The following SEMA3A variants were observed in gnomAD, a reference collection of about 807,000 sequenced individuals.
SEMA3A encodes the protein semaphorin-3A.
In SEMA3A, 29 loss-of-function variants were observed where a neutral mutation model predicts 97.9. That is an observed-to-expected ratio of 0.30 (90% CI 0.22 to 0.40). SEMA3A has a LOEUF of 0.40. Among genes scored for constraint, SEMA3A ranks in the 10% least tolerant of loss-of-function variants. The probability of loss-of-function intolerance (pLI) is 1.00; values close to 1 mark genes in which losing one functional copy is unlikely to be tolerated. For missense variants in SEMA3A, 763 were observed against 951.3 expected (o/e 0.80, Z 2.60); for synonymous variants, 321 against 323.7 (o/e 0.99, Z 0.09).
At chr7:84,098,859 CTTAGTTTCCTCAATTGAGAA>C (rs1392519335) in intron 4 of SEMA3A, among the ~76,000 whole-genome samples, 4 of 152,036 alleles carry the variant, frequency 2.6e-5, no homozygotes, top group Non-Finnish European at 5.9e-5. Context: ...TTCCCTGAGC[CTTAGTTTCCTCAATTGAGAA>C]ACAGAGATAA....
intron 1 of SEMA3A, 47 bp downstream of exon 1, chr7:84,194,428 G>T (rs754869474): frequency 8.0e-7 from 1 of 1,248,690 alleles, no homozygotes; most frequent in Non-Finnish European, 1.2e-6. Context: ...TTAAGGGGGG[G>T]GGCGGTTATT....
At chr7:84,454,708 C>T (rs1805644221) in intron 1 of SEMA3A, among the ~76,000 whole-genome samples, 1 of 151,800 alleles carries the variant, frequency 6.6e-6, no homozygotes, top group Non-Finnish European at 1.5e-5. Context: ...AAACAAAAAC[C>T]CTCATTCATA....
At chr7:84,151,857 C>T (rs1796682138) in intron 1 of SEMA3A, among the ~76,000 whole-genome samples, 1 of 152,092 alleles carries the variant, frequency 6.6e-6, no homozygotes, top group African/African-American at 2.4e-5. Context: ...AAGAAAAAAA[C>T]AACCCCATCA....
At chr7:84,204,463 T>C (rs1798438417) in intron 3 of SEMA3A, among the ~76,000 whole-genome samples, 1 of 152,110 alleles carries the variant, frequency 6.6e-6, no homozygotes, top group Non-Finnish European at 1.5e-5. Flanking sequence ...AGAGTTTGGG[T>C]AAGCTTCTGG....
At chr7:84,177,755 T>C (rs912312619) in intron 1 of SEMA3A, among the ~76,000 whole-genome samples, 14 of 152,106 alleles carry the variant, frequency 9.2e-5, no homozygotes, top group African/African-American at 3.1e-4. Flanking sequence ...AAGTTTCTCT[T>C]CCTGAATTCC....
intron 1 of SEMA3A, among the ~76,000 whole-genome samples, chr7:84,135,960 T>C (rs1380691523): frequency 6.6e-6 from 1 of 152,176 alleles, no homozygotes; most frequent in Non-Finnish European, 1.5e-5. Context: ...ACAGGAACAC[T>C]TTCAGATTAA....
At chr7:84,483,344 C>G (rs1214836951) in intron 1 of SEMA3A, among the ~76,000 whole-genome samples, 4 of 152,146 alleles carry the variant, frequency 2.6e-5, no homozygotes, top group Non-Finnish European at 4.4e-5. Flanking sequence ...TACAATGAAT[C>G]AGGACTAAGA....
chr7:84,066,021 A>G (rs1156774686), intron 4 of SEMA3A, among the ~76,000 whole-genome samples: 1 of 151,662 alleles, frequency 6.6e-6, no homozygotes, highest in Admixed American at 6.6e-5. Context: ...AAAATCCTCA[A>G]TAAAATACTG....
intron 2 of SEMA3A, among the ~76,000 whole-genome samples, chr7:84,370,865 C>T (rs993955347): frequency 2.0e-5 from 3 of 151,100 alleles, no homozygotes; most frequent in African/African-American, 7.3e-5. Context: ...TTCTCAGTTC[C>T]CCTAAGTTTT....
At chr7:84,434,075 A>G (rs1805057357) in intron 1 of SEMA3A, among the ~76,000 whole-genome samples, 1 of 152,084 alleles carries the variant, frequency 6.6e-6, no homozygotes, top group South Asian at 2.1e-4. Flanking sequence ...TCTTTAGTTT[A>G]ATCAGATGCC....
At chr7:84,187,673 T>A (rs991404490) in intron 1 of SEMA3A, among the ~76,000 whole-genome samples, 1 of 152,166 alleles carries the variant, frequency 6.6e-6, no homozygotes, top group African/African-American at 2.4e-5. Context: ...CTATATATTA[T>A]AATGCACAAT....
chr7:84,245,188 C>G (rs988663760), intron 3 of SEMA3A, among the ~76,000 whole-genome samples: 1 of 152,118 alleles, frequency 6.6e-6, no homozygotes, highest in African/African-American at 2.4e-5. Flanking sequence ...GAGTGTTTTC[C>G]AACTTGGTTC....
intron 6 of SEMA3A, among the ~76,000 whole-genome samples, chr7:84,036,267 T>G (rs547324575): frequency 6.6e-6 from 1 of 152,258 alleles, no homozygotes; most frequent in African/African-American, 2.4e-5. Context: ...ATCCTATAGA[T>G]GTATTAAGAC....
chr7:84,067,945 A>G (rs1273292047), intron 4 of SEMA3A, among the ~76,000 whole-genome samples: 1 of 142,712 alleles, frequency 7.0e-6, no homozygotes, highest in African/African-American at 2.7e-5. Context: ...AGGACTATAA[A>G]TCATGCTGCT....
intron 3 of SEMA3A, among the ~76,000 whole-genome samples, chr7:84,282,244 A>T (rs1362618489): frequency 2.0e-5 from 3 of 152,164 alleles, no homozygotes; most frequent in Non-Finnish European, 4.4e-5. Flanking sequence ...GTTAAAAAAA[A>T]CATTATTCCT....
At chr7:84,194,388 T>G in intron 1 of SEMA3A, 87 bp downstream of exon 1, 8 of 807,858 alleles carry the variant, frequency 9.9e-6, no homozygotes, top group Non-Finnish European at 1.7e-5. Flanking sequence ...AAAGGTTTGA[T>G]GATTTGGGGT....
intron 4 of SEMA3A, among the ~76,000 whole-genome samples, chr7:84,061,523 G>T (rs376229595): frequency 2.0e-5 from 3 of 152,092 alleles, no homozygotes; most frequent in Admixed American, 6.5e-5. Context: ...TTTTCCAGTA[G>T]TACATTAAGT....
chr7:83,980,619 A>AC (rs1256179822), intron 14 of SEMA3A, among the ~76,000 whole-genome samples: 6 of 79,876 alleles, frequency 7.5e-5, no homozygotes, highest in South Asian at 3.6e-4. Flanking sequence ...AAAAAAAAAA[A>AC]AAAAATATAT....
rs116533339 is a variant in SEMA3A, at chr7:84,205,770, G to C, written c.-82-11102C>G. 8.3e-3 allele frequency among the ~76,000 whole-genome samples: 1,263 copies of C among 152,204 alleles called. 16 individuals are homozygous for C. Among genetic ancestry groups the C allele is most frequent in the African/African-American group, 0.029 (1,205 of 41,524 alleles). On this transcript the variant is annotated intron_variant, in intron 3 of 3. Transcript: ENST00000424555. ...GTTTTATAACACTATCCAGAATTTT[G>C]AAAGTTCATTCCTATTGTAGTCCCT...
Sources: gnomAD v4.1 joint callset for allele counts (sites outside exome capture counted in the v4.1 genomes callset) on GRCh38, gnomAD v4.1.1 for gene constraint, MANE v1.5 for transcripts, NCBI Gene and HGNC (gene_info 2026-07-23, HGNC 2026-07-21) for gene names.